Variants in CYP20A1 observed in about 807,000 individuals in gnomAD.
CYP20A1 encodes the protein cytochrome P450 20A1.
In CYP20A1, 61 loss-of-function variants were observed where a neutral mutation model predicts 61.4. The observed-to-expected ratio is 0.99, with a 90% confidence interval of 0.81 to 1.23. CYP20A1 has a LOEUF of 1.23. Ranked by LOEUF, CYP20A1 falls within the 50% of genes most tolerant of loss-of-function variation. The pLI is 0.00. For synonymous variants in CYP20A1, 193 were observed against 188.2 expected, an observed-to-expected ratio of 1.03 and a Z score of -0.21; for missense variants, 530 against 542.4, an observed-to-expected ratio of 0.98 and a Z score of 0.23.
At chr2:203,293,906 G>C (rs2068656351) in intron 11 of CYP20A1, among the ~76,000 whole-genome samples, 1 of 152,048 alleles carries the variant, frequency 6.6e-6, no homozygotes, top group African/African-American at 2.4e-5. Context: ...TTTCTTCAAT[G>C]ACTTTACAGA....
At chr2:203,281,598 C>A (rs907661774) in intron 8 of CYP20A1, among the ~76,000 whole-genome samples, 3 of 151,868 alleles carry the variant, frequency 2.0e-5, no homozygotes, top group African/African-American at 7.3e-5. Flanking sequence ...GTCAGGAGTT[C>A]GAGACCAGCC....
chr2:203,293,214 C>CTTTTTTTTTTTTTTTTTTTTTTTTT lies in CYP20A1; in HGVS notation c.1148+889_1148+890insTTTTTTTTTTTTTTTTTTTTTTTTT, dbSNP rs575058733. Among the ~76,000 whole-genome samples the CTTTTTTTTTTTTTTTTTTTTTTTTT allele has an allele frequency of 1.6e-5, 2 of 128,910 alleles. 1 individual carries two copies. Among genetic ancestry groups the CTTTTTTTTTTTTTTTTTTTTTTTTT allele is most frequent in the Non-Finnish European group, 3.2e-5 (2 of 62,470 alleles). 84.6% of individuals were successfully genotyped at this position (128,910 alleles called of 152,430 possible). ...ATTTTTAAAAAAGCAGAATTTCTCT[C>CTTTTTTTTTTTTTTTTTTTTTTTTT]TCTTTTTTTTTTTTTTTTTGAGATG... On this transcript the variant is annotated intron_variant, in intron 11 of 12. Transcript: ENST00000356079.
intron 4 of CYP20A1, among the ~76,000 whole-genome samples, chr2:203,257,373 T>C (rs1044158562): frequency 2.6e-5 from 4 of 152,122 alleles, no homozygotes; most frequent in Non-Finnish European, 5.9e-5. Flanking sequence ...CCTTTCCCTC[T>C]TCTATAACTT....
chr2:203,268,459 G>C (rs975349468), intron 5 of CYP20A1, among the ~76,000 whole-genome samples: 2 of 152,096 alleles, frequency 1.3e-5, no homozygotes, highest in African/African-American at 4.8e-5. Context: ...CTCAATTTGA[G>C]TTTGTCTGAT....
intron 11 of CYP20A1, 62 bp from the exon 12 acceptor site, chr2:203,296,412 A>T: frequency 3.1e-6 from 3 of 960,238 alleles, no homozygotes; most frequent in Non-Finnish European, 1.6e-6. Flanking sequence ...GTGTTCTTTT[A>T]GTGTCAACAT....
chr2:203,248,462 A>T (rs2066539889), intron 3 of CYP20A1, among the ~76,000 whole-genome samples: 1 of 151,922 alleles, frequency 6.6e-6, no homozygotes, highest in South Asian at 2.1e-4. Flanking sequence ...TGAACCCGGG[A>T]GGCAGAGGTT....
At chr2:203,294,075 C>G (rs1259249696) in intron 11 of CYP20A1, among the ~76,000 whole-genome samples, 1 of 152,088 alleles carries the variant, frequency 6.6e-6, no homozygotes, top group Non-Finnish European at 1.5e-5. Context: ...GCCTCAACCT[C>G]CTGGGCTCAA....
chr2:203,293,704 G>A (rs1164833821), intron 11 of CYP20A1, among the ~76,000 whole-genome samples: 4 of 151,556 alleles, frequency 2.6e-5, no homozygotes, highest in Admixed American at 2.0e-4. Flanking sequence ...ATCCCTCATC[G>A]CCCCACCGTT....
At chr2:203,271,082 A>ATATATTT (rs1178482961) in intron 5 of CYP20A1, among the ~76,000 whole-genome samples, 12 of 31,628 alleles carry the variant, frequency 3.8e-4, no homozygotes, top group Admixed American at 6.5e-4. Flanking sequence ...ATATATATAT[A>ATATATTT]TTTTTTTTTT....
chr2:203,261,413 A>G (rs975508930), intron 4 of CYP20A1, among the ~76,000 whole-genome samples: 8 of 150,460 alleles, frequency 5.3e-5, no homozygotes, highest in African/African-American at 2.0e-4. Flanking sequence ...ATTTAAAAAT[A>G]TATATTAGCT....
intron 4 of CYP20A1, among the ~76,000 whole-genome samples, chr2:203,257,975 C>T (rs1377582605): frequency 1.3e-5 from 2 of 152,184 alleles, no homozygotes; most frequent in Non-Finnish European, 1.5e-5. Flanking sequence ...AATTATAGCT[C>T]ACTGGAGCAT....
chr2:203,295,640 A>C (rs749965684), intron 11 of CYP20A1, among the ~76,000 whole-genome samples: 1 of 152,174 alleles, frequency 6.6e-6, no homozygotes, highest in Admixed American at 6.6e-5. Context: ...TATATTTTGC[A>C]TCTATCATTT....
intron 5 of CYP20A1, among the ~76,000 whole-genome samples, chr2:203,266,932 G>A (rs1382983472): frequency 5.3e-5 from 8 of 152,104 alleles, no homozygotes. Context: ...AGTGAGCCAA[G>A]ATCATGCCAC....
Position 203,297,586 on chromosome 2 carries a change from A to G in CYP20A1, c.*678A>G, listed in dbSNP as rs1407966496. ...GCTGGGTGTGGTGGCCCACACCTGT[A>G]ATCCCAGCACTTTGGGAGGTCGAGG... On this transcript the variant is annotated 3_prime_UTR_variant, in exon 13 of 13. Coordinates refer to ENST00000356079, the MANE Select transcript of CYP20A1 (RefSeq NM_177538.3). The G allele has an allele frequency of 6.6e-6, 1 of 152,170 alleles. No individual in the cohort carries two copies. The highest frequency in any genetic ancestry group is 1.9e-4 in the East Asian group (1 of 5,194). 9.4% of individuals were successfully genotyped at this position (152,170 alleles called of 1,614,324 possible).
chr2:203,243,344 G>A (rs10173354), intron 1 of CYP20A1, among the ~76,000 whole-genome samples: 139,517 of 151,740 alleles, frequency 0.92, 64,488 homozygotes, highest in Non-Finnish European at 0.96. Flanking sequence ...GGGTTTCACT[G>A]TGTTGGCCAG....
In CYP20A1 at chr2:203,246,921, T is replaced by C. The variant is rs374531910; in HGVS notation, c.289T>C (p.Ser97Pro). 5.0e-6 allele frequency: 8 copies of C among 1,609,168 alleles called. No homozygotes were observed. In the African/African-American group the frequency reaches 5.4e-5, roughly 11 times the overall value. ...LKQHINPNKT[S>P]DPFETMLKSL... Reference sequence around the variant, plus strand: ...GCAGCATATCAATCCCAATAAGACATGTAAGTTTAATTTTCTTTCTAATTA... The same window carrying C: ...GCAGCATATCAATCCCAATAAGACACGTAAGTTTAATTTTCTTTCTAATTA... Residue 97 changes from serine (S) to proline (P), a missense_variant and splice_region_variant, in exon 3 of 13, where the codon TCG becomes CCG. Coordinates refer to ENST00000356079, the MANE Select transcript of CYP20A1 (RefSeq NM_177538.3).
intron 4 of CYP20A1, among the ~76,000 whole-genome samples, chr2:203,264,193 C>T (rs2067243178): frequency 1.3e-5 from 2 of 151,878 alleles, no homozygotes; most frequent in Admixed American, 1.3e-4. Context: ...CACTGTGTTG[C>T]CCAGGTTTGT....
chr2:203,290,460 AACAC>A (rs1023008699), intron 10 of CYP20A1, among the ~76,000 whole-genome samples: 70 of 152,296 alleles, frequency 4.6e-4, no homozygotes, highest in Non-Finnish European at 7.8e-4. Flanking sequence ...TATGTATAGA[AACAC>A]ACATATACAT....
intron 5 of CYP20A1, among the ~76,000 whole-genome samples, chr2:203,271,071 TATATATATA>T (rs1159242554): frequency 0.036 from 3,005 of 84,418 alleles, 231 homozygotes; most frequent in Non-Finnish European, 0.056. Flanking sequence ...TATATATATA[TATATATATA>T]TATTTTTTTT....
Sources: gnomAD v4.1 joint callset for allele counts (sites outside exome capture counted in the v4.1 genomes callset) on GRCh38, gnomAD v4.1.1 for gene constraint, MANE v1.5 for transcripts, NCBI Gene and HGNC (gene_info 2026-07-23, HGNC 2026-07-21) for gene names.